DUSP22: variants seen among roughly 807,000 people sequenced by gnomAD.
DUSP22 encodes the protein dual specificity protein phosphatase 22.
A neutral mutation model predicts 24.5 loss-of-function variants in DUSP22; 24 were observed. The ratio of observed to expected loss-of-function variants is 0.98; its 90% CI spans 0.71 to 1.38. The LOEUF (loss-of-function observed/expected upper bound fraction) is 1.38. Among genes scored for constraint, DUSP22 ranks in the 40% most tolerant of loss-of-function variants. The pLI, the probability that DUSP22 is intolerant of heterozygous loss-of-function variation, is 0.00. For synonymous variants in DUSP22, 160 were observed against 106.4 expected (o/e 1.50, Z -3.10); for missense variants, 330 against 269.2 (o/e 1.23, Z -1.58).
At chr6:328,300 A>T (rs1480929393) in intron 3 of DUSP22, among the ~76,000 whole-genome samples, 1 of 152,308 alleles carries the variant, frequency 6.6e-6, no homozygotes, top group Non-Finnish European at 1.5e-5. Context: ...TTCAGTGGTG[A>T]GACGGAGCTA....
Position 349,280 on chromosome 6 carries a change from T to C in DUSP22, c.*329T>C, listed in dbSNP as rs1581198334. On this transcript the variant is annotated 3_prime_UTR_variant, in exon 7 of 7. Transcript: ENST00000419235. ...GTGTGCCTGTGTGAGTGAGGGTATG[T>C]GCACCTAAGTGTGTACATGTGTGTA... The C allele has an allele frequency of 4.7e-6, 6 of 1,288,892 alleles. No homozygotes were observed. The East Asian group carries it at 1.0e-4, about 22-fold the overall frequency. The allele number at this position is 1,288,892 out of a possible 1,614,324, so 79.8% of individuals were successfully genotyped here.
At position 345,500 on chromosome 6, in the gene DUSP22, G is replaced by T. The variant is rs566593843; in HGVS notation, c.189-354G>T. 2.6e-5 allele frequency among the ~76,000 whole-genome samples: 4 copies of T among 152,296 alleles called. No homozygotes were observed. The South Asian group carries it at 8.3e-4, about 31-fold the overall frequency. On this transcript the variant is annotated intron_variant, in intron 4 of 6. Coordinates refer to ENST00000419235, the MANE Select transcript of DUSP22 (RefSeq NM_001286555.3). Reference sequence around the variant, plus strand: ...GCTGGGATTACAGGCGTGAGCCACCGCACCCAGCCATGTTCTGGTTTCCAT... The same window carrying T: ...GCTGGGATTACAGGCGTGAGCCACCTCACCCAGCCATGTTCTGGTTTCCAT...
chr6:349,082 C>T lies in DUSP22; in HGVS notation c.*131C>T, dbSNP rs1198476647. 8.8e-6 allele frequency: 13 copies of T among 1,470,022 alleles called. No individual in the cohort carries two copies. Among genetic ancestry groups the T allele is most frequent in the East Asian group, 2.5e-5 (1 of 40,296 alleles). The allele number at this position is 1,470,022 out of a possible 1,614,324, so 91.1% of individuals were successfully genotyped here. A position where few individuals can be genotyped will look rare whatever the true frequency, so the allele number is the denominator to read the frequency against. ...GGGCGAGGTGGGGCGAGGGCTCCTT[C>T]CCCCAAGCAACACCGCCCAGCCCTG... On this transcript the variant is annotated 3_prime_UTR_variant, in exon 7 of 7. Transcript: ENST00000419235.
At chr6:334,004 TACAGC>T (rs1480084571) in intron 3 of DUSP22, among the ~76,000 whole-genome samples, 1 of 152,306 alleles carries the variant, frequency 6.6e-6, no homozygotes, top group Non-Finnish European at 1.5e-5. Flanking sequence ...TATTGGCAAA[TACAGC>T]ACAGAAATTC....
At chr6:323,239 CATGTGT>C (rs1758693780) in intron 3 of DUSP22, among the ~76,000 whole-genome samples, 2 of 103,506 alleles carry the variant, frequency 1.9e-5, no homozygotes, top group African/African-American at 3.7e-5. Context: ...GGCGTGTGTG[CATGTGT>C]GTGTGTGTGT....
chr6:304,462 C>G (rs1235682369), intron 1 of DUSP22, among the ~76,000 whole-genome samples, 166 bp from the exon 2 acceptor site: 2 of 152,304 alleles, frequency 1.3e-5, no homozygotes, highest in East Asian at 3.8e-4. Context: ...CACGGCCTTC[C>G]ACAGGCCGCT....
chr6:316,078 G>C (rs1160296904), intron 3 of DUSP22, among the ~76,000 whole-genome samples: 1 of 152,306 alleles, frequency 6.6e-6, no homozygotes, highest in African/African-American at 2.4e-5. Flanking sequence ...TGGCATTCCA[G>C]CTGGTGGAGA....
At chr6:340,698 G>A (rs1008764294) in intron 4 of DUSP22, among the ~76,000 whole-genome samples, 4 of 152,292 alleles carry the variant, frequency 2.6e-5, no homozygotes, top group Non-Finnish European at 5.9e-5. Flanking sequence ...CTGTGGCCTT[G>A]CTGCTGTTAT....
At chr6:345,974 G>T (rs1449514505) in intron 5 of DUSP22, 46 bp downstream of exon 5, 3 of 1,607,024 alleles carry the variant, frequency 1.9e-6, no homozygotes, top group Non-Finnish European at 2.6e-6. Flanking sequence ...ATTCTGGTCG[G>T]CTTGGCTTCC....
rs1203218285 is a variant in DUSP22 at position 348,618 on chromosome 6, TGGC to T, written c.436-150_436-148del. On this transcript the variant is annotated intron_variant, in intron 6 of 6. Transcript: ENST00000419235. ...GTTCCTTCTCTTGCTTGACCCTGGCTGGCCAACCACAGAGCTCTGATTTCCCAC... is the reference window on the plus strand; with the variant it reads ...GTTCCTTCTCTTGCTTGACCCTGGCTCAACCACAGAGCTCTGATTTCCCAC... 6.6e-6 allele frequency: 9 copies of T among 1,356,414 alleles called. No individual in the cohort carries two copies. The East Asian group carries it at 2.1e-4, about 32-fold the overall frequency. The allele number at this position is 1,356,414 out of a possible 1,614,324, so 84.0% of individuals were successfully genotyped here.
intron 3 of DUSP22, among the ~76,000 whole-genome samples, chr6:332,808 A>T (rs1164434664): frequency 2.6e-5 from 4 of 152,296 alleles, no homozygotes; most frequent in African/African-American, 9.6e-5. Flanking sequence ...TGGCACTAGA[A>T]GGGAAGGTGG....
intron 4 of DUSP22, among the ~76,000 whole-genome samples, chr6:341,608 G>C (rs1433196731): frequency 6.6e-6 from 1 of 152,306 alleles, no homozygotes; most frequent in Non-Finnish European, 1.5e-5. Flanking sequence ...AAGCTGCACT[G>C]TGGGGCTCTG....
Position 344,743 on chromosome 6 carries a change from C to T in DUSP22, c.189-1111C>T, listed in dbSNP as rs1031499182. 9.2e-5 allele frequency among the ~76,000 whole-genome samples: 14 copies of T among 152,424 alleles called. No homozygotes were observed. The South Asian group carries it at 2.3e-3, about 25-fold the overall frequency. ...CAAAGAGGGATTGGAGCCAGAATTTCCATTTCCCCACAGCTCTCCACTGAG... is the reference window on the plus strand; with the variant it reads ...CAAAGAGGGATTGGAGCCAGAATTTTCATTTCCCCACAGCTCTCCACTGAG... On this transcript the variant is annotated intron_variant, in intron 4 of 6. Transcript: ENST00000419235.
In DUSP22 at chr6:311,968, A is replaced by C; in HGVS notation, c.138+6A>C. ...GTGCCAGGCCTATGTTGGAGGTAAG[A>C]GAGCACCGTGGGGCGTGTGTGGGTG... On this transcript the variant is annotated splice_donor_region_variant and intron_variant, in intron 3 of 6. Coordinates refer to ENST00000419235, the MANE Select transcript of DUSP22 (RefSeq NM_001286555.3). 1.2e-6 allele frequency: 2 copies of C among 1,610,340 alleles called. No individual in the cohort carries two copies. The highest frequency in any genetic ancestry group is 1.7e-6 in the Non-Finnish European group (2 of 1,178,006).
intron 4 of DUSP22, among the ~76,000 whole-genome samples, chr6:339,201 G>A (rs1295995473): frequency 2.6e-5 from 4 of 152,302 alleles, no homozygotes; most frequent in Non-Finnish European, 5.9e-5. Context: ...TGGCCAGCGT[G>A]GTATGGGTTA....
chr6:304,669 C>T lies in DUSP22; in HGVS notation c.55+8C>T. On this transcript the variant is annotated splice_region_variant and intron_variant, in intron 2 of 6. Coordinates refer to ENST00000419235, the MANE Select transcript of DUSP22 (RefSeq NM_001286555.3). ...ACATCGGCAACTTCAAAGGTGAGTT[C>T]TTGCTTTTTTATTGTTGTGATAAAA... 6.2e-7 allele frequency: 1 copy of T among 1,614,208 alleles called. No homozygotes were observed. Among genetic ancestry groups the T allele is most frequent in the South Asian group, 1.1e-5 (1 of 91,086 alleles).
At chr6:325,827 C>A in intron 3 of DUSP22, 1 of 163,010 alleles carries the variant, frequency 6.1e-6, no homozygotes, top group Non-Finnish European at 1.2e-5. Context: ...AGTCATCTGC[C>A]CTGGGCTTCC....
intron 3 of DUSP22, among the ~76,000 whole-genome samples, chr6:318,948 A>G (rs1758455757): frequency 6.6e-6 from 1 of 152,308 alleles, no homozygotes; most frequent in Non-Finnish European, 1.5e-5. Flanking sequence ...ATAGGATGAT[A>G]CCCATCATAT....
intron 4 of DUSP22, among the ~76,000 whole-genome samples, chr6:336,038 G>A (rs1038966307): frequency 3.0e-4 from 45 of 152,402 alleles, no homozygotes; most frequent in African/African-American, 8.9e-4. Flanking sequence ...CTGGGGACCC[G>A]TGGCAGCTAC....
Sources: gnomAD v4.1 joint callset for allele counts (sites outside exome capture counted in the v4.1 genomes callset) on GRCh38, gnomAD v4.1.1 for gene constraint, MANE v1.5 for transcripts, NCBI Gene and HGNC (gene_info 2026-07-23, HGNC 2026-07-21) for gene names.